Variants in KCNN2 observed in about 807,000 individuals in gnomAD.
The protein encoded by KCNN2 is small conductance calcium-activated potassium channel protein 2.
In KCNN2, 24 loss-of-function variants were observed where a neutral mutation model predicts 55.5. The observed-to-expected ratio is 0.43, with a 90% CI of 0.31 to 0.61. KCNN2 has a LOEUF of 0.61. Ranked by LOEUF, KCNN2 falls within the 20% of genes least tolerant of loss-of-function variation. The pLI is 0.08. For missense variants in KCNN2, 754 were observed against 853.6 expected (o/e 0.88, Z 1.45); for synonymous variants, 431 against 336.1 (o/e 1.28, Z -3.09).
rs373432627 is a variant in KCNN2, at chr5:114,339,814, CAAATAAAT to C, written c.-184-21103_-184-21096del. ...CCAGACCTTATCACAAACAAACAAA[CAAATAAAT>C]AAATAAATAAATAAATAAATAAATA... is the stretch of plus-strand genomic sequence containing the variant. On this transcript the variant is annotated intron_variant, in intron 2 of 10. Transcript: ENST00000512097. Among the ~76,000 whole-genome samples the C allele has an allele frequency of 1.6e-4, 24 of 147,258 alleles. 1 individual carries two copies. Among genetic ancestry groups the C allele is most frequent in the Admixed American group, 3.4e-4 (5 of 14,672 alleles).
chr5:114,478,199 G>T (rs1762057863), intron 5 of KCNN2, among the ~76,000 whole-genome samples: 1 of 152,104 alleles, frequency 6.6e-6, no homozygotes, highest in Non-Finnish European at 1.5e-5. Flanking sequence ...GAGTGGAAGT[G>T]TTATGCTAAA....
At chr5:114,339,535 G>C (rs1024541581) in intron 2 of KCNN2, among the ~76,000 whole-genome samples, 1 of 152,148 alleles carries the variant, frequency 6.6e-6, no homozygotes, top group Non-Finnish European at 1.5e-5. Flanking sequence ...GGGTGATGTG[G>C]CTCATGTTTG....
chr5:114,428,916 T>A (rs998814717), intron 3 of KCNN2, among the ~76,000 whole-genome samples: 21 of 152,128 alleles, frequency 1.4e-4, no homozygotes, highest in Non-Finnish European at 2.2e-4. Context: ...CATTTCTTTT[T>A]AATGCTAAAT....
intron 1 of KCNN2, among the ~76,000 whole-genome samples, chr5:114,079,166 TA>T (rs1454327627): frequency 1.3e-5 from 2 of 152,272 alleles, no homozygotes; most frequent in Admixed American, 1.3e-4. Flanking sequence ...AATTTTCTAT[TA>T]AAAATAAAGT....
At chr5:114,426,848 T>C (rs1268625800) in intron 3 of KCNN2, among the ~76,000 whole-genome samples, 3 of 152,232 alleles carry the variant, frequency 2.0e-5, no homozygotes, top group African/African-American at 7.2e-5. Context: ...TGTAGTTTTA[T>C]CTTCCCAATC....
At chr5:114,178,834 A>G (rs944375555) in intron 1 of KCNN2, among the ~76,000 whole-genome samples, 16 of 152,186 alleles carry the variant, frequency 1.1e-4, no homozygotes, top group African/African-American at 2.4e-4. Context: ...TTGCACTTTG[A>G]TGTCTGGGTT....
intron 2 of KCNN2, among the ~76,000 whole-genome samples, chr5:114,267,287 G>A (rs920712074): frequency 1.3e-5 from 2 of 152,166 alleles, no homozygotes; most frequent in South Asian, 2.1e-4. Context: ...GAGCCACTGC[G>A]CCCGGCCCCA....
chr5:114,481,292 G>A (rs559389895), intron 5 of KCNN2, among the ~76,000 whole-genome samples: 3 of 152,250 alleles, frequency 2.0e-5, no homozygotes, highest in African/African-American at 7.2e-5. Flanking sequence ...AGCTAACAAG[G>A]GAAATGAAGG....
rs557223386 is a variant in KCNN2, at chr5:114,143,376, C to T, written c.-270-78104C>T. On this transcript the variant is annotated intron_variant, in intron 1 of 10. Transcript: ENST00000512097. ...AGATATTAATCAGTAGTAATAGTTG[C>T]AGCAAAAGCTGGTTACAAACAATCC... Among the ~76,000 whole-genome samples the T allele has an allele frequency of 3.3e-5, 5 of 152,176 alleles. No homozygotes were observed. The South Asian group carries it at 1.0e-3, about 32-fold the overall frequency.
chr5:114,363,383 CAGGACAGCGGGCGCGTCT>C (rs1334013465), intron 1 of KCNN2, 122 bp downstream of exon 1: 4 of 1,252,544 alleles, frequency 3.2e-6, no homozygotes, highest in Non-Finnish European at 4.3e-6. Flanking sequence ...GGGAGCCCGC[CAGGACAGCGGGCGCGTCT>C]AGGACGCGCA....
chr5:114,320,209 G>C (rs1013919326), intron 2 of KCNN2, among the ~76,000 whole-genome samples: 10 of 152,110 alleles, frequency 6.6e-5, no homozygotes, highest in Non-Finnish European at 1.0e-4. Context: ...AACATACCCT[G>C]TCCTTCCTTG....
intron 3 of KCNN2, among the ~76,000 whole-genome samples, chr5:114,418,580 C>A (rs1419955181): frequency 6.6e-6 from 1 of 150,782 alleles, no homozygotes; most frequent in African/African-American, 2.4e-5. Flanking sequence ...GTGGGGCTGG[C>A]GGGGAGTTGG....
chr5:114,243,472 C>T (rs6887829), intron 2 of KCNN2, among the ~76,000 whole-genome samples: 121,887 of 150,306 alleles, frequency 0.81, 49,128 homozygotes, highest in East Asian at 0.9. Context: ...GTACCTGAAC[C>T]ACCCCTTTGT....
At chr5:114,212,880 G>A (rs1040924742) in intron 1 of KCNN2, among the ~76,000 whole-genome samples, 1 of 151,936 alleles carries the variant, frequency 6.6e-6, no homozygotes, top group East Asian at 1.9e-4. Flanking sequence ...TGATTTATAC[G>A]ATAAATTATG....
chr5:114,119,138 A>G (rs1197741002), intron 1 of KCNN2, among the ~76,000 whole-genome samples: 1 of 152,184 alleles, frequency 6.6e-6, no homozygotes, highest in African/African-American at 2.4e-5. Context: ...ATTCCTTTCT[A>G]AGTTTGGTTA....
chr5:114,443,535 A>C (rs761817024), intron 3 of KCNN2, among the ~76,000 whole-genome samples: 5 of 152,238 alleles, frequency 3.3e-5, no homozygotes, highest in Admixed American at 1.3e-4. Flanking sequence ...ATCAGATTGA[A>C]GAGTTAAAAG....
chr5:114,153,656 G>T (rs13158827), intron 1 of KCNN2, among the ~76,000 whole-genome samples: 64,189 of 152,010 alleles, frequency 0.42, 14,673 homozygotes, highest in Middle Eastern at 0.55. Flanking sequence ...TCTTACGGTG[G>T]ATAGTAAGCA....
intron 3 of KCNN2, among the ~76,000 whole-genome samples, chr5:114,459,656 CATT>C (rs1438473118): frequency 2.6e-5 from 4 of 152,094 alleles, no homozygotes; most frequent in Non-Finnish European, 5.9e-5. Context: ...GCAACATAAA[CATT>C]AGTATGAGAT....
chr5:114,408,628 A>G (rs1561612857), intron 3 of KCNN2, among the ~76,000 whole-genome samples: 1 of 152,158 alleles, frequency 6.6e-6, no homozygotes, highest in Non-Finnish European at 1.5e-5. Flanking sequence ...GATAAGCCCT[A>G]ATTAAAAATT....
Sources: allele counts gnomAD v4.1 joint callset (sites outside exome capture counted in the v4.1 genomes callset), GRCh38; gene constraint gnomAD v4.1.1; transcripts MANE v1.5; gene names NCBI Gene and HGNC (gene_info 2026-07-23, HGNC 2026-07-21).